TSSK3: variants seen among roughly 807,000 people sequenced by gnomAD.
The protein encoded by TSSK3 is testis-specific serine/threonine-protein kinase 3.
In TSSK3, 16 loss-of-function variants were observed where a neutral mutation model predicts 18.9. That is an observed-to-expected ratio of 0.85 (90% CI 0.57 to 1.28). TSSK3 has a LOEUF of 1.28. TSSK3 is among the 50% of genes most tolerant of loss of function. The pLI is 0.00. For synonymous variants in TSSK3, 146 were observed against 133.9 expected (o/e 1.09, Z -0.62); for missense variants, 345 against 341.0 (o/e 1.01, Z -0.09).
At chr1:32,363,019 A>G in intron 1 of TSSK3, 173 bp downstream of exon 1, 1 of 709,626 alleles carries the variant, frequency 1.4e-6, no homozygotes, top group South Asian at 1.8e-5. Flanking sequence ...GGGTTCTGGG[A>G]GTCCAGGAAC....
Position 32,363,701 on chromosome 1 carries a change from C to A in TSSK3, c.252C>A (p.Ile84=). 5 of 1,613,024 alleles carry A rather than the reference C, an allele frequency of 3.1e-6. No individual in the cohort carries two copies. The highest frequency in any genetic ancestry group is 4.2e-6 in the Non-Finnish European group (5 of 1,179,512). Residue 84 remains isoleucine (I), a synonymous_variant, in exon 2 of 2, where the codon ATC becomes ATA. Coordinates refer to ENST00000373534, the MANE Select transcript of TSSK3 (RefSeq NM_052841.4). ...YEMLESADGK[I]CLVMELAEGG... is the part of the protein sequence containing the mutation. ...TGCTGGAGTCTGCCGACGGGAAAAT[C>A]TGCCTGGTGATGGAGCTCGCTGAGG... is the stretch of plus-strand genomic sequence containing the variant.
chr1:32,363,756 G>C lies in TSSK3; in HGVS notation c.307G>C (p.Gly103Arg), dbSNP rs756796843. 1.2e-6 allele frequency: 2 copies of C among 1,614,232 alleles called. No homozygotes were observed. The highest frequency in any genetic ancestry group is 2.2e-5 in the South Asian group (2 of 91,086). The change falls in exon 2 of 2, where the codon GGG (glycine) becomes CGG (arginine). Residue 103 changes from glycine (G) to arginine (R), a missense_variant. Transcript: ENST00000373534. ...GGDVFDCVLN[G>R]GPLPESRAKA... ...GGATGTCTTTGACTGCGTGCTGAAT[G>C]GGGGGCCACTGCCTGAAAGCCGGGC...
chr1:32,364,026 G>C lies in TSSK3; in HGVS notation c.577G>C (p.Val193Leu). 6.2e-7 allele frequency: 1 copy of C among 1,614,262 alleles called. No homozygotes were observed. The highest frequency in any genetic ancestry group is 1.3e-5 in the African/African-American group (1 of 75,070). ...GIPHDSKKGD[V>L]WSMGVVLYVM... is the part of the protein sequence containing the mutation. Reference sequence around the variant, plus strand: ...TCCCCACGATAGCAAAAAAGGTGATGTCTGGAGCATGGGTGTGGTCCTGTA... The same window carrying C: ...TCCCCACGATAGCAAAAAAGGTGATCTCTGGAGCATGGGTGTGGTCCTGTA... The change falls in exon 2 of 2, where the codon GTC (valine) becomes CTC (leucine). Residue 193 changes from valine (V) to leucine (L), a missense_variant. Physicochemically the swap from Val to Leu is conservative, Grantham distance 32 (BLOSUM62 1). Transcript: ENST00000373534.
In TSSK3 at chr1:32,364,026, G is replaced by A. The variant is rs1641764937; in HGVS notation, c.577G>A (p.Val193Ile). The A allele has an allele frequency of 3.7e-6, 6 of 1,614,144 alleles. No individual in the cohort carries two copies. The Middle Eastern group carries it at 4.9e-4, about 133-fold the overall frequency. ...GIPHDSKKGD[V>I]WSMGVVLYVM... ...TCCCCACGATAGCAAAAAAGGTGAT[G>A]TCTGGAGCATGGGTGTGGTCCTGTA... The change falls in exon 2 of 2, where the codon GTC becomes ATC. Residue 193 changes from valine to isoleucine, a missense_variant. Coordinates refer to ENST00000373534, the MANE Select transcript of TSSK3 (RefSeq NM_052841.4).
At chr1:32,362,976 G>A (rs1038078544) in intron 1 of TSSK3, 130 bp downstream of exon 1, 82 of 1,114,266 alleles carry the variant, frequency 7.4e-5, no homozygotes, top group Non-Finnish European at 1.1e-4. Flanking sequence ...CAAGCCCGAT[G>A]GCAGCTCTGG....
rs184893411 is a variant in TSSK3, at chr1:32,362,630, G to A, written c.-72G>A. ...GGGAGAAAAGGAGCAGGCCAAGGGCGATGGTGGAGTAGAGCTGCCTCTCAG... is the reference window on the plus strand; with the variant it reads ...GGGAGAAAAGGAGCAGGCCAAGGGCAATGGTGGAGTAGAGCTGCCTCTCAG... On this transcript the variant is annotated 5_prime_UTR_variant, in exon 1 of 2. Transcript: ENST00000373534. 3.2e-6 allele frequency: 5 copies of A among 1,571,336 alleles called. No individual in the cohort carries two copies. The African/African-American group carries it at 6.8e-5, about 21-fold the overall frequency.
rs1487622800 is a variant in TSSK3, at chr1:32,362,621, G to C, written c.-81G>C. 3.2e-6 allele frequency: 5 copies of C among 1,546,424 alleles called. No individual in the cohort carries two copies. In the African/African-American group the frequency reaches 4.1e-5, roughly 13 times the overall value. ...AAGTCCTTGGGGAGAAAAGGAGCAG[G>C]CCAAGGGCGATGGTGGAGTAGAGCT... On this transcript the variant is annotated 5_prime_UTR_variant, in exon 1 of 2. Coordinates refer to ENST00000373534, the MANE Select transcript of TSSK3 (RefSeq NM_052841.4).
Position 32,362,826 on chromosome 1 carries a change from A to G in TSSK3, c.125A>G (p.Asp42Gly), listed in dbSNP as rs768117896. ...AGAAAAGTGGCAATTAAAGTTATAG[A>G]CAAGATGGGAGGGCCAGAAGGTGAG... ...HQRKVAIKVI[D>G]KMGGPEEFIQ... Residue 42 changes from aspartate to glycine, a missense_variant, in exon 1 of 2, where the codon GAC becomes GGC. By Grantham distance (94) the Asp-to-Gly change is moderately conservative. Transcript: ENST00000373534. The G allele has an allele frequency of 6.2e-7, 1 of 1,614,154 alleles. No individual in the cohort carries two copies. The highest frequency in any genetic ancestry group is 8.5e-7 in the Non-Finnish European group (1 of 1,180,014).
chr1:32,363,880 G>A lies in TSSK3; in HGVS notation c.431G>A (p.Gly144Asp). The change falls in exon 2 of 2, where the codon GGC becomes GAC. Residue 144 changes from glycine (G) to aspartate (D), a missense_variant. Coordinates refer to ENST00000373534, the MANE Select transcript of TSSK3 (RefSeq NM_052841.4). ...DLKCENALLQ[G>D]FNLKLTDFGF... ...AAATGTGAGAACGCCTTGTTGCAGG[G>A]CTTCAACCTGAAGCTGACTGACTTT... 1.9e-6 allele frequency: 3 copies of A among 1,614,154 alleles called. No individual in the cohort carries two copies. Among genetic ancestry groups the A allele is most frequent in the Non-Finnish European group, 2.5e-6 (3 of 1,180,054 alleles).
In TSSK3 at chr1:32,364,017, A is replaced by C; in HGVS notation, c.568A>C (p.Lys190Gln). The C allele has an allele frequency of 6.2e-7, 1 of 1,614,222 alleles. No individual in the cohort carries two copies. Among genetic ancestry groups the C allele is most frequent in the East Asian group, 2.2e-5 (1 of 44,884 alleles). Residue 190 changes from lysine to glutamine, a missense_variant, in exon 2 of 2, where the codon AAA becomes CAA. Transcript: ENST00000373534. ...GCAGGGCATTCCCCACGATAGCAAAAAAGGTGATGTCTGGAGCATGGGTGT... is the reference window on the plus strand; with the variant it reads ...GCAGGGCATTCCCCACGATAGCAAACAAGGTGATGTCTGGAGCATGGGTGT... ...VLQGIPHDSK[K>Q]GDVWSMGVVL...
At chr1:32,363,052 G>C (rs1641736691) in intron 1 of TSSK3, 1 of 583,620 alleles carries the variant, frequency 1.7e-6, no homozygotes, top group African/African-American at 1.9e-5. Context: ...CAGAATGCAA[G>C]ATGAAAGTGG....
In TSSK3 at chr1:32,363,750, C is replaced by T; in HGVS notation, c.301C>T (p.Leu101=). ...GGGAGGGGATGTCTTTGACTGCGTG[C>T]TGAATGGGGGGCCACTGCCTGAAAG... ...AEGGDVFDCV[L]NGGPLPESRA... Residue 101 remains leucine, a synonymous_variant, in exon 2 of 2, where the codon CTG becomes TTG. Coordinates refer to ENST00000373534, the MANE Select transcript of TSSK3 (RefSeq NM_052841.4). 6.2e-7 allele frequency: 1 copy of T among 1,614,242 alleles called. No homozygotes were observed. The highest frequency in any genetic ancestry group is 8.5e-7 in the Non-Finnish European group (1 of 1,180,036).
At chr1:32,362,973 G>A (rs931809459) in intron 1 of TSSK3, 127 bp downstream of exon 1, 2 of 1,153,518 alleles carry the variant, frequency 1.7e-6, no homozygotes, top group Non-Finnish European at 1.3e-6. Flanking sequence ...AAGCAAGCCC[G>A]ATGGCAGCTC....
chr1:32,362,680 T>C lies in TSSK3; in HGVS notation c.-22T>C. On this transcript the variant is annotated 5_prime_UTR_variant, in exon 1 of 2. Transcript: ENST00000373534. ...GAGGCAGCATGAGCTGAGAGGGTGA[T>C]AGGAAGGCGGCGCTAGACAGCATGG... The C allele has an allele frequency of 1.2e-6, 2 of 1,613,462 alleles. No individual in the cohort carries two copies. Among genetic ancestry groups the C allele is most frequent in the Middle Eastern group, 3.3e-4 (2 of 6,048 alleles).
Position 32,364,103 on chromosome 1 carries a change from G to A in TSSK3, c.654G>A (p.Met218Ile). Residue 218 changes from methionine (M) to isoleucine (I), a missense_variant, in exon 2 of 2, where the codon ATG becomes ATA. Met to Ile is a conservative substitution (Grantham distance 10). Coordinates refer to ENST00000373534, the MANE Select transcript of TSSK3 (RefSeq NM_052841.4). Reference protein sequence around the residue: ...LPFDDTDIPKMLWQQQKGVSF... With the variant: ...LPFDDTDIPKILWQQQKGVSF... The stretch of plus-strand genomic sequence containing the variant: ...TTGACGACACAGACATCCCCAAGAT[G>A]CTGTGGCAGCAGCAGAAGGGGGTGT... 6.2e-7 allele frequency: 1 copy of A among 1,614,250 alleles called. No individual in the cohort carries two copies. The highest frequency in any genetic ancestry group is 8.5e-7 in the Non-Finnish European group (1 of 1,180,038).
chr1:32,364,268 G>T lies in TSSK3; in HGVS notation c.*12G>T, dbSNP rs377563740. 1.3e-6 allele frequency: 2 copies of T among 1,577,792 alleles called. No individual in the cohort carries two copies. The highest frequency in any genetic ancestry group is 2.7e-5 in the African/African-American group (2 of 74,072). On this transcript the variant is annotated 3_prime_UTR_variant, in exon 2 of 2. Transcript: ENST00000373534. The stretch of plus-strand genomic sequence containing the variant: ...TAGCAAGCACTTGATAAAAGCAATG[G>T]CAAGTGCTCTCCAATAAAGTAGGGG...
chr1:32,363,586 C>T lies in TSSK3; in HGVS notation c.146-9C>T. ...TGCCAGCCCATCTCTCCTCCCCTTA[C>T]TTCCTCAGAGTTTATCCAGAGATTC... On this transcript the variant is annotated splice_polypyrimidine_tract_variant and intron_variant, in intron 1 of 1. Transcript: ENST00000373534. The T allele has an allele frequency of 6.2e-7, 1 of 1,601,746 alleles. No homozygotes were observed. The highest frequency in any genetic ancestry group is 8.5e-7 in the Non-Finnish European group (1 of 1,171,328).
In TSSK3 at chr1:32,362,836, A is replaced by C; in HGVS notation, c.135A>C (p.Gly45=). The change falls in exon 1 of 2, where the codon GGA becomes GGC. Residue 45 remains glycine, a synonymous_variant. Coordinates refer to ENST00000373534, the MANE Select transcript of TSSK3 (RefSeq NM_052841.4). ...CAATTAAAGTTATAGACAAGATGGG[A>C]GGGCCAGAAGGTGAGCCGGGGCCCC... is the stretch of plus-strand genomic sequence containing the variant. ...KVAIKVIDKM[G]GPEEFIQRFL... is the part of the protein sequence containing the mutation. The C allele has an allele frequency of 3.1e-6, 5 of 1,614,148 alleles. No homozygotes were observed. The highest frequency in any genetic ancestry group is 4.2e-6 in the Non-Finnish European group (5 of 1,180,016).
chr1:32,363,716 G>A lies in TSSK3; in HGVS notation c.267G>A (p.Glu89=). The change falls in exon 2 of 2, where the codon GAG becomes GAA. Residue 89 remains glutamate, a synonymous_variant. Transcript: ENST00000373534. The part of the protein sequence containing the change: ...SADGKICLVM[E]LAEGGDVFDC... ...ACGGGAAAATCTGCCTGGTGATGGAGCTCGCTGAGGGAGGGGATGTCTTTG... is the reference window on the plus strand; with the variant it reads ...ACGGGAAAATCTGCCTGGTGATGGAACTCGCTGAGGGAGGGGATGTCTTTG... The A allele has an allele frequency of 6.2e-7, 1 of 1,614,112 alleles. No individual in the cohort carries two copies. The highest frequency in any genetic ancestry group is 8.5e-7 in the Non-Finnish European group (1 of 1,180,004).
Sources: gnomAD v4.1 joint callset for allele counts on GRCh38, gnomAD v4.1.1 for gene constraint, MANE v1.5 for transcripts, NCBI Gene and HGNC (gene_info 2026-07-23, HGNC 2026-07-21) for gene names.